BMERB1: variants seen among roughly 807,000 people sequenced by gnomAD.
BMERB1 encodes the protein bMERB domain containing 1.
BMERB1 carries 12 observed loss-of-function variants against 23.6 expected under a neutral mutation model. The observed-to-expected ratio is 0.51, with a 90% CI of 0.33 to 0.82. The LOEUF (loss-of-function observed/expected upper bound fraction) is 0.82. Ranked by LOEUF, BMERB1 falls within the 40% of genes least tolerant of loss-of-function variation. The pLI, the probability that BMERB1 is intolerant of heterozygous loss-of-function variation, is 0.03. For missense variants in BMERB1, 247 were observed against 255.4 expected, an observed-to-expected ratio of 0.97 and a Z score of 0.22; for synonymous variants, 122 against 96.6, an observed-to-expected ratio of 1.26 and a Z score of -1.54.
chr16:15,574,902 AC>A (rs1476801642), intron 3 of BMERB1, among the ~76,000 whole-genome samples: 2 of 152,056 alleles, frequency 1.3e-5, no homozygotes, highest in East Asian at 3.9e-4. Context: ...ACATGGCGAG[AC>A]CCCCGTCTCT....
At chr16:15,486,106 G>A (rs773940522) in intron 1 of BMERB1, among the ~76,000 whole-genome samples, 1 of 151,464 alleles carries the variant, frequency 6.6e-6, no homozygotes, top group Non-Finnish European at 1.5e-5. Flanking sequence ...GCCAGGTGTG[G>A]TGGCACAATC....
intron 1 of BMERB1, among the ~76,000 whole-genome samples, chr16:15,506,720 A>T (rs1198431918): frequency 6.7e-6 from 1 of 150,266 alleles, no homozygotes; most frequent in East Asian, 1.9e-4. Context: ...AAGAATAGGG[A>T]TGTATCACAA....
intron 1 of BMERB1, among the ~76,000 whole-genome samples, chr16:15,510,135 A>G (rs1222773141): frequency 6.6e-6 from 1 of 152,152 alleles, no homozygotes; most frequent in Non-Finnish European, 1.5e-5. Flanking sequence ...TGACCCTGCC[A>G]ACACCTTGGT....
chr16:15,512,860 C>G lies in BMERB1; in HGVS notation c.107-2445C>G, dbSNP rs191176697. Reference sequence around the variant, plus strand: ...TGCCACTGCACTCCAGCCTGGGCAACAGAGGGATACTCCGTCTCAAAAAAA... The same window carrying G: ...TGCCACTGCACTCCAGCCTGGGCAAGAGAGGGATACTCCGTCTCAAAAAAA... On this transcript the variant is annotated intron_variant, in intron 1 of 5. Transcript: ENST00000300006. Among the ~76,000 whole-genome samples, 1,006 of 149,672 alleles carry G rather than the reference C, an allele frequency of 6.7e-3. 9 individuals carry two copies. Among genetic ancestry groups the G allele is most frequent in the South Asian group, 8.2e-3 (39 of 4,770 alleles).
intron 2 of BMERB1, among the ~76,000 whole-genome samples, chr16:15,558,537 T>G (rs2030330374): frequency 6.6e-6 from 1 of 152,050 alleles, no homozygotes; most frequent in Admixed American, 6.5e-5. Flanking sequence ...ACAGGTTCAG[T>G]TGAAGGGTCA....
chr16:15,564,958 T>C (rs2030523446), intron 2 of BMERB1, among the ~76,000 whole-genome samples: 1 of 152,152 alleles, frequency 6.6e-6, no homozygotes, highest in South Asian at 2.1e-4. Flanking sequence ...AGAACAACTT[T>C]GTAGTAATCA....
chr16:15,565,865 A>T (rs2030549140), intron 2 of BMERB1, among the ~76,000 whole-genome samples: 1 of 152,174 alleles, frequency 6.6e-6, no homozygotes, highest in South Asian at 2.1e-4. Flanking sequence ...AAACAAGAAC[A>T]ACAAAGACAA....
At chr16:15,436,834 C>G (rs1190895934) in intron 1 of BMERB1, among the ~76,000 whole-genome samples, 1 of 151,890 alleles carries the variant, frequency 6.6e-6, no homozygotes, top group Non-Finnish European at 1.5e-5. Context: ...CTAAATGCAT[C>G]ATTTCATTTA....
chr16:15,447,818 G>C (rs1200870956), intron 1 of BMERB1: 1 of 455,520 alleles, frequency 2.2e-6, no homozygotes, highest in African/African-American at 2.0e-5. Flanking sequence ...ACTAGACTTT[G>C]GTGGATTAAA....
At chr16:15,559,382 G>A (rs562062220) in intron 2 of BMERB1, among the ~76,000 whole-genome samples, 26 of 152,296 alleles carry the variant, frequency 1.7e-4, no homozygotes, top group African/African-American at 5.3e-4. Context: ...AGTCATGCCC[G>A]CTGCAACTCA....
intron 2 of BMERB1, chr16:15,533,203 A>G (rs2051986850): frequency 1.2e-5 from 4 of 323,502 alleles, no homozygotes; most frequent in South Asian, 9.7e-5. Flanking sequence ...ATGGATAGAT[A>G]CAGGCATAAG....
At chr16:15,580,897 G>GC (rs1567507243) in intron 3 of BMERB1, among the ~76,000 whole-genome samples, 1 of 147,444 alleles carries the variant, frequency 6.8e-6, no homozygotes, top group Non-Finnish European at 1.5e-5. Flanking sequence ...GTAATTTTTT[G>GC]TTTTTTTTTT....
chr16:15,557,530 A>T (rs529979132), intron 2 of BMERB1, among the ~76,000 whole-genome samples: 55 of 152,324 alleles, frequency 3.6e-4, no homozygotes, highest in African/African-American at 1.2e-3. Flanking sequence ...TCCAATACAC[A>T]TTAAAAATGC....
chr16:15,563,342 C>T (rs780123281), intron 2 of BMERB1, among the ~76,000 whole-genome samples: 22 of 152,078 alleles, frequency 1.4e-4, no homozygotes, highest in Non-Finnish European at 2.6e-4. Flanking sequence ...GCCTCAGCCT[C>T]CCGAGTAGCT....
chr16:15,479,648 C>G (rs1028272186), intron 1 of BMERB1, among the ~76,000 whole-genome samples: 3 of 152,010 alleles, frequency 2.0e-5, no homozygotes, highest in African/African-American at 7.2e-5. Context: ...ATATAAGAAT[C>G]TAGCCAGACA....
intron 2 of BMERB1, among the ~76,000 whole-genome samples, chr16:15,516,318 G>A (rs2051754317): frequency 6.6e-6 from 1 of 152,122 alleles, no homozygotes; most frequent in South Asian, 2.1e-4. Flanking sequence ...TACTCAGGAG[G>A]ATGAGGTGGG....
intron 2 of BMERB1, among the ~76,000 whole-genome samples, chr16:15,544,981 C>CT (rs71134436): frequency 0.2 from 30,375 of 151,142 alleles, 3,685 homozygotes; most frequent in East Asian, 0.52. Context: ...TTTTCTTTTT[C>CT]TTTTTTTTTG....
At chr16:15,531,412 G>A (rs896229850) in intron 2 of BMERB1, among the ~76,000 whole-genome samples, 8 of 152,082 alleles carry the variant, frequency 5.3e-5, no homozygotes, top group African/African-American at 1.9e-4. Flanking sequence ...CTTTTGCCGT[G>A]TAAGGTAACA....
chr16:15,451,170 CGTTTGTTTGTTTTGTTTGTTCGTTT>C (rs1567451138), intron 1 of BMERB1, among the ~76,000 whole-genome samples: 1 of 152,132 alleles, frequency 6.6e-6, no homozygotes, highest in African/African-American at 2.4e-5. Flanking sequence ...TGCAACCTTT[CGTTTGTTTGTTTTGTTTGTTCGTTT>C]TCTGAGACAG....
Sources: allele counts gnomAD v4.1 joint callset (sites outside exome capture counted in the v4.1 genomes callset), GRCh38; gene constraint gnomAD v4.1.1; transcripts MANE v1.5; gene names NCBI Gene and HGNC (gene_info 2026-07-23, HGNC 2026-07-21).